OSBP2: variants seen among roughly 807,000 people sequenced by gnomAD.
OSBP2 encodes oxysterol binding protein 2.
OSBP2 carries 66 observed loss-of-function variants against 96.0 expected under a neutral mutation model. The ratio of observed to expected loss-of-function variants is 0.69; its 90% CI spans 0.56 to 0.84. OSBP2 has a LOEUF of 0.84. Ranked by LOEUF, OSBP2 falls within the 40% of genes least tolerant of loss-of-function variation. OSBP2 has a pLI of 0.00. For missense variants in OSBP2, 1,038 were observed against 1,222.7 expected, an observed-to-expected ratio of 0.85 and a Z score of 2.25; for synonymous variants, 525 against 520.9, an observed-to-expected ratio of 1.01 and a Z score of -0.11.
intron 1 of OSBP2, among the ~76,000 whole-genome samples, chr22:30,731,035 G>A (rs1303724888): frequency 2.0e-5 from 3 of 151,100 alleles, no homozygotes; most frequent in East Asian, 3.9e-4. Flanking sequence ...TTAGCCAGGC[G>A]TGGTGGCGGG....
In OSBP2 at chr22:30,781,395, C is replaced by T. The variant is rs141903356; in HGVS notation, c.853+40026C>T. Among the ~76,000 whole-genome samples, 36 of 152,274 alleles carry T rather than the reference C, an allele frequency of 2.4e-4. No individual in the cohort carries two copies. In the Middle Eastern group the frequency reaches 0.01, roughly 43 times the overall value. On this transcript the variant is annotated intron_variant, in intron 2 of 13. Transcript: ENST00000332585. ...CACCTTCCTCTCTTTCCATCCTGCT[C>T]CCCAAGGCAGCCATTCCTGACTTTA...
chr22:30,832,166 C>T (rs1214625390), intron 2 of OSBP2, among the ~76,000 whole-genome samples: 1 of 152,168 alleles, frequency 6.6e-6, no homozygotes, highest in Admixed American at 6.5e-5. Context: ...CCCTTCTGCC[C>T]TTGCCCCCTT....
chr22:30,871,508 G>T lies in OSBP2; in HGVS notation c.1107+826G>T, dbSNP rs2039459144. Among the ~76,000 whole-genome samples, 1 of 152,202 alleles carries T rather than the reference G, an allele frequency of 6.6e-6. No individual in the cohort carries two copies. The highest frequency in any genetic ancestry group is 6.5e-5 in the Admixed American group (1 of 15,290). On this transcript the variant is annotated intron_variant, in intron 3 of 13. Transcript: ENST00000332585. This position sits in a 1 kb window ranked among gnomAD's most constrained non-coding sequence, Gnocchi z 4.7. ...AGGGGTGCAGTTGTAGGAGCTTGGG[G>T]TGGCCTGCTGGGAGTAAGGAGACCA... is the stretch of plus-strand genomic sequence containing the variant.
At chr22:30,855,927 C>A (rs1251971506) in intron 2 of OSBP2, among the ~76,000 whole-genome samples, 1 of 152,186 alleles carries the variant, frequency 6.6e-6, no homozygotes, top group African/African-American at 2.4e-5. Flanking sequence ...ATGGCATGTG[C>A]ATTGTTGGGT....
intron 2 of OSBP2, among the ~76,000 whole-genome samples, chr22:30,858,844 A>G (rs1432564414): frequency 6.6e-6 from 1 of 150,528 alleles, no homozygotes; most frequent in African/African-American, 2.4e-5. Context: ...GTACCACTGC[A>G]CTCCAGGCTG....
intron 1 of OSBP2, among the ~76,000 whole-genome samples, chr22:30,714,663 C>A (rs2089417566): frequency 6.6e-6 from 1 of 152,190 alleles, no homozygotes; most frequent in Non-Finnish European, 1.5e-5. Context: ...CTTGCCCAGG[C>A]TGGAGTGCAA....
At chr22:30,694,589 G>A (rs2088984022), upstream of OSBP2, among the ~76,000 whole-genome samples, 1 of 148,818 alleles carries the variant, frequency 6.7e-6, no homozygotes, top group Non-Finnish European at 1.5e-5. Context: ...TGGCACGGCT[G>A]GGCCGAAGCA....
intron 3 of OSBP2, chr22:30,872,565 C>G: frequency 5.5e-6 from 2 of 360,652 alleles, no homozygotes; most frequent in East Asian, 7.4e-5. Context: ...TTCTGCAGCT[C>G]CAGCATCCGG....
At chr22:30,854,050 C>A (rs572739277) in intron 2 of OSBP2, among the ~76,000 whole-genome samples, 1 of 152,124 alleles carries the variant, frequency 6.6e-6, no homozygotes, top group Admixed American at 6.5e-5. Context: ...TGAGCCACTG[C>A]GCCAGGCCTC....
chr22:30,901,812 C>T (rs1241871130), intron 12 of OSBP2, among the ~76,000 whole-genome samples: 2 of 152,072 alleles, frequency 1.3e-5, no homozygotes, highest in Non-Finnish European at 2.9e-5. Context: ...TTGCAGTGTC[C>T]GAGATGGTGC....
At chr22:30,833,152 C>T (rs1160040381) in intron 2 of OSBP2, among the ~76,000 whole-genome samples, 2 of 152,150 alleles carry the variant, frequency 1.3e-5, no homozygotes, top group Non-Finnish European at 2.9e-5. Context: ...AGATGATTTA[C>T]CAAACCCCTA....
At chr22:30,869,872 G>C (rs949257180) in intron 2 of OSBP2, among the ~76,000 whole-genome samples, 3 of 152,178 alleles carry the variant, frequency 2.0e-5, no homozygotes, top group African/African-American at 7.2e-5. Context: ...GGCGGGAAAG[G>C]CCCCAAACAG....
chr22:30,874,707 G>A (rs1453633146), intron 3 of OSBP2, among the ~76,000 whole-genome samples: 3 of 152,214 alleles, frequency 2.0e-5, no homozygotes, highest in Non-Finnish European at 4.4e-5. Context: ...TTCTGGATTG[G>A]GAATCTGGAA....
chr22:30,713,236 G>T (rs1056196452), intron 1 of OSBP2, among the ~76,000 whole-genome samples: 22 of 151,462 alleles, frequency 1.5e-4, no homozygotes, highest in African/African-American at 4.8e-4. Flanking sequence ...CCGCCACCAC[G>T]CCCGGCTAAT....
intron 2 of OSBP2, among the ~76,000 whole-genome samples, chr22:30,820,200 C>T (rs77413058): frequency 0.037 from 5,566 of 152,068 alleles, 190 homozygotes; most frequent in East Asian, 0.12. Flanking sequence ...GGCAACAAAG[C>T]AAGAACTTCA....
chr22:30,903,140 C>T (rs1472362102), intron 12 of OSBP2, among the ~76,000 whole-genome samples: 1 of 151,982 alleles, frequency 6.6e-6, no homozygotes, highest in Non-Finnish European at 1.5e-5. Context: ...CATCATTTTT[C>T]TCCTTTGCTT....
chr22:30,882,577 C>T (rs1028256726), intron 3 of OSBP2, among the ~76,000 whole-genome samples: 5 of 151,612 alleles, frequency 3.3e-5, no homozygotes, highest in East Asian at 3.9e-4. Context: ...AGTGGGCCCG[C>T]GGTGTGAGGG....
Position 30,813,171 on chromosome 22 carries a change from CTTTTTTTTTTTTT to C in OSBP2, c.854-57244_854-57232del, listed in dbSNP as rs911860511. Among the ~76,000 whole-genome samples, 13 of 78,620 alleles carry C rather than the reference CTTTTTTTTTTTTT, an allele frequency of 1.7e-4. No individual in the cohort carries two copies. In the South Asian group the frequency reaches 2.3e-3, roughly 14 times the overall value. 51.6% of individuals were successfully genotyped at this position (78,620 alleles called of 152,430 possible). A position where few individuals can be genotyped will look rare whatever the true frequency, so the allele number is the denominator to read the frequency against. ...GCCTGGAGGCTTACGATGTTGCATT[CTTTTTTTTTTTTT>C]TTTTTTTTTTTTTGAGATGGAGTCT... On this transcript the variant is annotated intron_variant, in intron 2 of 13. Coordinates refer to ENST00000332585, the MANE Select transcript of OSBP2 (RefSeq NM_030758.4).
chr22:30,786,719 GGGGGT>G (rs899635886), intron 2 of OSBP2, among the ~76,000 whole-genome samples: 9 of 150,786 alleles, frequency 6.0e-5, no homozygotes, highest in South Asian at 2.1e-4. Context: ...AGCAGAGGGT[GGGGGT>G]GGGGTGGGGT....
Sources: gnomAD v4.1 joint callset for allele counts (sites outside exome capture counted in the v4.1 genomes callset) on GRCh38, gnomAD v4.1.1 for gene constraint, Gnocchi (gnomAD v3.1) non-coding constraint, MANE v1.5 for transcripts, NCBI Gene and HGNC (gene_info 2026-07-23, HGNC 2026-07-21) for gene names.